GLB1: variants seen among roughly 807,000 people sequenced by gnomAD.
GLB1 encodes beta-galactosidase.
Under a neutral mutation model 74.0 loss-of-function variants are expected in GLB1, and 56 were observed. That is an observed-to-expected ratio of 0.76 (90% confidence interval 0.61 to 0.94). GLB1 has a LOEUF of 0.94. Among genes scored for constraint, GLB1 ranks in the 40% least tolerant of loss-of-function variants. The probability of loss-of-function intolerance (pLI) is 0.00; values close to 1 mark genes in which losing one functional copy is unlikely to be tolerated. For synonymous variants in GLB1, 323 were observed against 323.6 expected (o/e 1.00, Z 0.02); for missense variants, 787 against 845.5 (o/e 0.93, Z 0.86).
the GLB1 span, among the ~76,000 whole-genome samples, chr3:32,981,924 T>C: frequency 0.99 from 151,110 of 152,354 alleles, 74,955 homozygotes; most frequent in Middle Eastern, 1. Context: ...TAGTAGACAA[T>C]ACATAGTTTA....
At chr3:33,076,554 G>A (rs1463874107) in intron 1 of GLB1, among the ~76,000 whole-genome samples, 1 of 152,204 alleles carries the variant, frequency 6.6e-6, no homozygotes, top group Admixed American at 6.5e-5. Context: ...GAGGCAGAAG[G>A]AGGACATTCC....
intron 2 of GLB1, 138 bp from the exon 3 acceptor site, chr3:33,069,108 G>T (rs1435943536): frequency 1.8e-5 from 26 of 1,458,536 alleles, no homozygotes; most frequent in Non-Finnish European, 2.4e-5. Context: ...AATTATCCAA[G>T]GCTGGGCACA....
intron 4 of GLB1, among the ~76,000 whole-genome samples, chr3:33,067,284 T>C (rs1476611640): frequency 6.6e-6 from 1 of 152,086 alleles, no homozygotes; most frequent in Admixed American, 6.6e-5. Context: ...ATTACAGGCA[T>C]GAGCCACTAC....
chr3:33,013,957 C>T (rs1175207089), intron 15 of GLB1, 99 bp downstream of exon 15: 2 of 1,593,650 alleles, frequency 1.3e-6, no homozygotes, highest in East Asian at 2.2e-5. Flanking sequence ...TCAAAACCAT[C>T]ACACGATATC....
the GLB1 span, among the ~76,000 whole-genome samples, chr3:32,985,912 A>G: frequency 4.2e-4 from 64 of 152,202 alleles, no homozygotes; most frequent in Admixed American, 3.7e-3. Flanking sequence ...GGGTTTCCCC[A>G]TGTTGGCCAG....
At chr3:32,991,076 A>G in the GLB1 span, among the ~76,000 whole-genome samples, 1 of 152,176 alleles carries the variant, frequency 6.6e-6, no homozygotes. Flanking sequence ...GTATCAAAAG[A>G]TTTCACCCAA....
chr3:33,064,418 C>T lies in GLB1; in HGVS notation c.552+1045G>A, dbSNP rs535698142. On this transcript the variant is annotated intron_variant, in intron 5 of 15. Transcript: ENST00000307363. ...TTGTGCCACTGCATTCCAGCCTGGG[C>T]GACAGAGCGAGACTCTGTCTCCTAA... 3.6e-4 allele frequency among the ~76,000 whole-genome samples: 46 copies of T among 126,264 alleles called. No homozygotes were observed. In the East Asian group the frequency reaches 7.2e-3, roughly 20 times the overall value. The allele number at this position is 126,264 out of a possible 152,430, so 82.8% of individuals were successfully genotyped here.
At chr3:33,072,476 TAC>T (rs1245469805) in intron 2 of GLB1, 66 bp downstream of exon 2, 1 of 1,604,918 alleles carries the variant, frequency 6.2e-7, no homozygotes, top group Non-Finnish European at 8.5e-7. Context: ...CCCTGAGAAA[TAC>T]AGTTGTATCT....
chr3:33,065,122 G>T (rs1469438737), intron 5 of GLB1, among the ~76,000 whole-genome samples: 1 of 152,092 alleles, frequency 6.6e-6, no homozygotes, highest in Admixed American at 6.6e-5. Context: ...ACAAACTCTG[G>T]GATCCACAGA....
chr3:33,020,798 T>C (rs1159595442), intron 12 of GLB1, among the ~76,000 whole-genome samples: 3 of 152,178 alleles, frequency 2.0e-5, no homozygotes, highest in Non-Finnish European at 4.4e-5. Flanking sequence ...TGTATTGTGG[T>C]TCTGCAGGAT....
chr3:33,000,394 C>G (rs1696508008), intron 15 of GLB1, among the ~76,000 whole-genome samples: 1 of 152,156 alleles, frequency 6.6e-6, no homozygotes. Context: ...TTAATTTAAA[C>G]TTAACCATAT....
At chr3:32,991,622 T>G (rs979899170), downstream of GLB1, among the ~76,000 whole-genome samples, 8 of 152,336 alleles carry the variant, frequency 5.3e-5, no homozygotes, top group East Asian at 9.6e-4. Context: ...TGTTGCAATG[T>G]TCACTCTCTG....
rs72555372 is a variant in GLB1 at position 33,046,137 on chromosome 3, G to A, written c.1051C>T (p.Arg351Ter). ...GCACCCACCTTCTGGATGATGTTTCGCAGAGCAAAATACTTCTCAGTGAGG... is the reference window on the plus strand; with the variant it reads ...GCACCCACCTTCTGGATGATGTTTCACAGAGCAAAATACTTCTCAGTGAGG... ...GDLTEKYFAL[R>*]NIIQKFEKVP... The change falls in exon 10 of 16, where the codon CGA becomes TGA. Residue 351 changes from arginine (R) to a stop codon, truncating the protein, a stop_gained. Coordinates refer to ENST00000307363, the MANE Select transcript of GLB1 (RefSeq NM_000404.4). LOFTEE classifies it high-confidence loss of function. 17 of 1,613,184 alleles carry A rather than the reference G, an allele frequency of 1.1e-5. No homozygotes were observed. Among genetic ancestry groups the A allele is most frequent in the Admixed American group, 1.7e-5 (1 of 59,998 alleles).
intron 15 of GLB1, among the ~76,000 whole-genome samples, chr3:32,999,201 G>A (rs1043115751): frequency 6.6e-6 from 1 of 152,154 alleles, no homozygotes; most frequent in African/African-American, 2.4e-5. Flanking sequence ...TTTCACTCTT[G>A]TTTTTACCCT....
At chr3:32,972,845 G>A in the GLB1 span, among the ~76,000 whole-genome samples, 6 of 152,326 alleles carry the variant, frequency 3.9e-5, no homozygotes, top group African/African-American at 1.2e-4. Flanking sequence ...AAGAGCTGGA[G>A]TCCTTAAAAC....
chr3:33,043,844 G>GAAAA lies in GLB1; in HGVS notation c.1068+2272_1068+2275dup, dbSNP rs376478014. On this transcript the variant is annotated intron_variant, in intron 10 of 15. Coordinates refer to ENST00000307363, the MANE Select transcript of GLB1 (RefSeq NM_000404.4). ...GTTAATGAATAACAGACCAAAAAAA[G>GAAAA]AAAAAAAAAAAAAAAAAAGGCTTCC... Among the ~76,000 whole-genome samples the GAAAA allele has an allele frequency of 3.7e-4, 39 of 104,994 alleles. 2 individuals carry two copies. The highest frequency in any genetic ancestry group is 3.3e-3 in the South Asian group (10 of 3,028). The allele number at this position is 104,994 out of a possible 152,430, so 68.9% of individuals were successfully genotyped here.
At chr3:33,001,243 C>T (rs1018706782) in intron 15 of GLB1, among the ~76,000 whole-genome samples, 3 of 148,820 alleles carry the variant, frequency 2.0e-5, no homozygotes, top group East Asian at 1.9e-4. Context: ...CTCACTCTTA[C>T]ATCTTGCTAC....
At chr3:33,068,399 A>G in intron 3 of GLB1, 109 bp from the exon 4 acceptor site, 1 of 1,452,000 alleles carries the variant, frequency 6.9e-7, no homozygotes, top group East Asian at 2.4e-5. Context: ...TTCAAGGGAC[A>G]AGGGGTATTT....
chr3:33,055,651 T>C (rs1367336122), intron 6 of GLB1, among the ~76,000 whole-genome samples: 4 of 151,580 alleles, frequency 2.6e-5, no homozygotes, highest in African/African-American at 4.8e-5. Context: ...GTATCTTTAG[T>C]GGAGATGGGG....
Sources: gnomAD v4.1 joint callset for allele counts (sites outside exome capture counted in the v4.1 genomes callset) on GRCh38, gnomAD v4.1.1 for gene constraint, MANE v1.5 for transcripts, NCBI Gene and HGNC (gene_info 2026-07-23, HGNC 2026-07-21) for gene names.